MATK: variants seen among roughly 807,000 people sequenced by gnomAD.
MATK encodes megakaryocyte-associated tyrosine-protein kinase.
MATK carries 41 observed loss-of-function variants against 59.8 expected under a neutral mutation model. That is an observed-to-expected ratio of 0.69 (90% CI 0.53 to 0.89). The LOEUF is 0.89. MATK is among the 40% of genes least tolerant of loss of function. MATK has a pLI of 0.00. For synonymous variants in MATK, 308 were observed against 306.1 expected (o/e 1.01, Z -0.06); for missense variants, 593 against 719.6 (o/e 0.82, Z 2.01).
At chr19:3,799,938 C>G (rs747680927) in intron 1 of MATK, among the ~76,000 whole-genome samples, 13 of 151,162 alleles carry the variant, frequency 8.6e-5, no homozygotes, top group Admixed American at 4.0e-4. Flanking sequence ...GTCAAGAGAT[C>G]GAGACCATCC....
chr19:3,783,813 C>T lies in MATK; in HGVS notation c.582+1G>A. 1 of 1,609,292 alleles carries T rather than the reference C, an allele frequency of 6.2e-7. No individual in the cohort carries two copies. The highest frequency in any genetic ancestry group is 8.5e-7 in the Non-Finnish European group (1 of 1,177,046). ...GGGGTGGGGCCTCTGGGTGGCAGCA[C>T]CTCCACCATGTCCATGAGGTTGCAG... is the stretch of plus-strand genomic sequence containing the variant. On this transcript the variant is annotated splice_donor_variant, in intron 6 of 13. Transcript: ENST00000310132. LOFTEE classifies it high-confidence loss of function.
chr19:3,800,406 G>A (rs1370127092), intron 1 of MATK, among the ~76,000 whole-genome samples: 1 of 152,126 alleles, frequency 6.6e-6, no homozygotes, highest in African/African-American at 2.4e-5. Flanking sequence ...AGCACTTTGG[G>A]AGGCCGAGGA....
intron 1 of MATK, among the ~76,000 whole-genome samples, chr19:3,792,408 T>C (rs1420577507): frequency 6.6e-6 from 1 of 152,070 alleles, no homozygotes; most frequent in East Asian, 1.9e-4. Context: ...AGGCTTGAAA[T>C]TGATAGAAAG....
chr19:3,799,637 C>T (rs945136767), intron 1 of MATK, among the ~76,000 whole-genome samples: 1 of 146,412 alleles, frequency 6.8e-6, no homozygotes, highest in African/African-American at 2.5e-5. Flanking sequence ...GTCAGGAGTT[C>T]GAGACCAGTC....
chr19:3,784,883 A>T lies in MATK; in HGVS notation c.74T>A (p.Val25Glu). 6.5e-7 allele frequency: 1 copy of T among 1,529,628 alleles called. No individual in the cohort carries two copies. The highest frequency in any genetic ancestry group is 8.9e-7 in the Non-Finnish European group (1 of 1,126,912). The allele number at this position is 1,529,628 out of a possible 1,614,324, so 94.8% of individuals were successfully genotyped here. The part of the protein sequence containing the change: ...GCDSAEELPR[V>E]SPRFLRAWHP... ...CCAGGCTCGGAGGAAGCGGGGGCTC[A>T]CCTGGGGAGGGGACAGAGTCCAGGT... The change falls in exon 3 of 14, where the codon GTG becomes GAG. Residue 25 changes from valine to glutamate, a missense_variant and splice_region_variant. Val to Glu is a moderately radical substitution (Grantham distance 121, BLOSUM62 -2). Transcript: ENST00000310132.
At chr19:3,780,336 G>A (rs903928552) in intron 8 of MATK, among the ~76,000 whole-genome samples, 12 of 152,188 alleles carry the variant, frequency 7.9e-5, no homozygotes, top group African/African-American at 2.9e-4. Context: ...CCAGGGGTCT[G>A]TGAACCCCCA....
rs559322636 is a variant in MATK at position 3,785,392 on chromosome 19, C to T, written c.-151-106G>A. 6.9e-6 allele frequency: 5 copies of T among 719,584 alleles called. No homozygotes were observed. The South Asian group carries it at 9.5e-5, about 14-fold the overall frequency. The allele number at this position is 719,584 out of a possible 1,614,324, so 44.6% of individuals were successfully genotyped here. ...CTGGGGGCAGGGGCGGGTCCTGTAG[C>T]CCTGCTGGGCTCCTCCGGCCACCCG... On this transcript the variant is annotated intron_variant, in intron 1 of 13. Coordinates refer to ENST00000310132, the MANE Select transcript of MATK (RefSeq NM_139355.3).
rs559451600 is a variant in MATK, at chr19:3,780,288, C to A, written c.743-491G>T. Among the ~76,000 whole-genome samples, 240 of 152,014 alleles carry A rather than the reference C, an allele frequency of 1.6e-3. 1 individual carries two copies. The highest frequency in any genetic ancestry group is 5.4e-3 in the African/African-American group (224 of 41,496). ...GAGCGAAACTCCATCTCAAAAAAAACCCCACAAAAAACAAAAACAAAGAGA... is the reference window on the plus strand; with the variant it reads ...GAGCGAAACTCCATCTCAAAAAAAAACCCACAAAAAACAAAAACAAAGAGA... On this transcript the variant is annotated intron_variant, in intron 8 of 13. Transcript: ENST00000310132.
intron 1 of MATK, among the ~76,000 whole-genome samples, chr19:3,797,203 T>C (rs1174859214): frequency 6.6e-6 from 1 of 150,416 alleles, no homozygotes; most frequent in South Asian, 2.1e-4. Context: ...ACTTCTTGGA[T>C]TGATGTTTTC....
chr19:3,782,833 T>A lies in MATK; in HGVS notation c.676+293A>T. Reference sequence around the variant, plus strand: ...GAAGATTCACCAGGTCTTGGGAACCTGGCCAAGGAGGGAATGCTGGAGGAT... The same window carrying A: ...GAAGATTCACCAGGTCTTGGGAACCAGGCCAAGGAGGGAATGCTGGAGGAT... On this transcript the variant is annotated intron_variant, in intron 7 of 13. Transcript: ENST00000310132. The A allele has an allele frequency of 6.6e-6, 3 of 456,142 alleles. No individual in the cohort carries two copies. The South Asian group carries it at 8.0e-5, about 12-fold the overall frequency. 28.3% of individuals were successfully genotyped at this position (456,142 alleles called of 1,614,324 possible). A position where few individuals can be genotyped will look rare whatever the true frequency, so the allele number is the denominator to read the frequency against.
chr19:3,783,113 G>A lies in MATK; in HGVS notation c.676+13C>T, dbSNP rs912511398. 4 of 1,613,192 alleles carry A rather than the reference G, an allele frequency of 2.5e-6. No homozygotes were observed. Among genetic ancestry groups the A allele is most frequent in the South Asian group, 2.2e-5 (2 of 91,078 alleles). On this transcript the variant is annotated intron_variant, in intron 7 of 13. Coordinates refer to ENST00000310132, the MANE Select transcript of MATK (RefSeq NM_139355.3). Reference sequence around the variant, plus strand: ...GGTAGGGAAGGGGGTCTGCCCTCCTGGGCGTCCCCTACCCCTGGCCAGCTC... The same window carrying A: ...GGTAGGGAAGGGGGTCTGCCCTCCTAGGCGTCCCCTACCCCTGGCCAGCTC...
At chr19:3,791,351 C>CCT (rs1280868279), upstream of MATK, among the ~76,000 whole-genome samples, 4 of 143,512 alleles carry the variant, frequency 2.8e-5, no homozygotes, top group Non-Finnish European at 1.5e-5. Flanking sequence ...CCTCCCCCCA[C>CCT]TTTTTTTTTT....
At chr19:3,800,929 C>CGGCTCA (rs1379793942) in intron 1 of MATK, among the ~76,000 whole-genome samples, 1 of 152,082 alleles carries the variant, frequency 6.6e-6, no homozygotes, top group Non-Finnish European at 1.5e-5. Context: ...GGCGCAATCT[C>CGGCTCA]GGCTCACTAC....
rs563658872 is a variant in MATK at position 3,786,241 on chromosome 19, C to G, written c.-224G>C. The G allele has an allele frequency of 4.9e-4, 482 of 985,376 alleles. 1 individual carries two copies. In the African/African-American group the frequency reaches 7.9e-3, roughly 16 times the overall value. 61.0% of individuals were successfully genotyped at this position (985,376 alleles called of 1,614,324 possible). A position where few individuals can be genotyped will look rare whatever the true frequency, so the allele number is the denominator to read the frequency against. ...GGGCCTCCGCGAGCCGGCTGCACACCCCGAGGCGGTCCCGGCTGCACAACT... is the reference window on the plus strand; with the variant it reads ...GGGCCTCCGCGAGCCGGCTGCACACGCCGAGGCGGTCCCGGCTGCACAACT... On this transcript the variant is annotated 5_prime_UTR_variant, in exon 1 of 14. Coordinates refer to ENST00000310132, the MANE Select transcript of MATK (RefSeq NM_139355.3). This position sits in a 1 kb window ranked among gnomAD's most constrained non-coding sequence, Gnocchi z 4.1.
At position 3,779,637 on chromosome 19, in the gene MATK, C is replaced by T. The variant is rs201710081; in HGVS notation, c.843-20G>A. On this transcript the variant is annotated intron_variant, in intron 9 of 13. Transcript: ENST00000310132. ...ATCTTCCTGGGGGCGGTGGGGTGGGCGTGAGGGCAGGGCTGGGACCCCCCC... is the reference window on the plus strand; with the variant it reads ...ATCTTCCTGGGGGCGGTGGGGTGGGTGTGAGGGCAGGGCTGGGACCCCCCC... 7.2e-4 allele frequency: 1,159 copies of T among 1,611,048 alleles called. 6 individuals are homozygous for T. In the African/African-American group the frequency reaches 0.013, roughly 17 times the overall value.
chr19:3,794,188 C>T (rs1294728385), intron 1 of MATK, among the ~76,000 whole-genome samples: 3 of 152,204 alleles, frequency 2.0e-5, no homozygotes, highest in African/African-American at 7.2e-5. Flanking sequence ...AAGCCGGAAT[C>T]CCCACCTGTT....
At chr19:3,786,890 G>A (rs2037491914), upstream of MATK, among the ~76,000 whole-genome samples, 2 of 152,120 alleles carry the variant, frequency 1.3e-5, no homozygotes, top group African/African-American at 4.8e-5. The surrounding 1 kb of genome is among the most constrained non-coding windows in gnomAD (Gnocchi z 4.1). Context: ...TCCTTGGAGG[G>A]TAAAAGGGGG....
rs996386705 is a variant in MATK at position 3,792,480 on chromosome 19, C to T, written c.-57-3076G>A. Among the ~76,000 whole-genome samples the T allele has an allele frequency of 2.4e-4, 35 of 148,098 alleles. 1 individual carries two copies. The highest frequency in any genetic ancestry group is 8.5e-4 in the African/African-American group (34 of 40,236). On this transcript the variant is annotated intron_variant, in intron 1 of 13. Transcript: ENST00000395045. ...AGGGACTGGGCTCCTGCCTCTTGTT[C>T]AGCCTTTTTCAGCACATGAATTTCC... is the stretch of plus-strand genomic sequence containing the variant.
At chr19:3,782,438 G>A (rs1212199764) in intron 7 of MATK, among the ~76,000 whole-genome samples, 1 of 152,228 alleles carries the variant, frequency 6.6e-6, no homozygotes, top group African/African-American at 2.4e-5. Context: ...GTCAGAGGAG[G>A]CATTTGCTTT....
Sources: gnomAD v4.1 joint callset for allele counts (sites outside exome capture counted in the v4.1 genomes callset) on GRCh38, gnomAD v4.1.1 for gene constraint, Gnocchi (gnomAD v3.1) non-coding constraint, MANE v1.5 for transcripts, NCBI Gene and HGNC (gene_info 2026-07-23, HGNC 2026-07-21) for gene names.